The following DGKD variants were observed in gnomAD, a reference collection of about 807,000 sequenced individuals.
The protein encoded by DGKD is DAG kinase delta.
A neutral mutation model predicts 154.4 loss-of-function variants in DGKD; 68 were observed. That is an observed-to-expected ratio of 0.44 (90% confidence interval 0.36 to 0.54). The LOEUF (loss-of-function observed/expected upper bound fraction) is 0.54, where lower values mean the gene tolerates loss of function less well. Ranked by LOEUF, DGKD falls within the 20% of genes least tolerant of loss-of-function variation. The pLI is 0.00. For missense variants in DGKD, 1,343 were observed against 1,593.6 expected, an observed-to-expected ratio of 0.84 and a Z score of 2.68; for synonymous variants, 693 against 638.0, an observed-to-expected ratio of 1.09 and a Z score of -1.30.
At chr2:233,408,595 C>T (rs1265300055) in intron 3 of DGKD, among the ~76,000 whole-genome samples, 2 of 152,226 alleles carry the variant, frequency 1.3e-5, no homozygotes, top group African/African-American at 4.8e-5. Context: ...CTGCATGTCC[C>T]AGCTCTGCCA....
At chr2:233,357,537 C>CTTTTTTTTTTTTT (rs374813757) in intron 1 of DGKD, among the ~76,000 whole-genome samples, 1 of 129,226 alleles carries the variant, frequency 7.7e-6, no homozygotes, top group African/African-American at 3.0e-5. Flanking sequence ...TTCTTTCTTT[C>CTTTTTTTTTTTTT]TTTTTTTTTT....
intron 17 of DGKD, among the ~76,000 whole-genome samples, chr2:233,451,360 C>T (rs1023992705): frequency 2.0e-5 from 3 of 152,094 alleles, no homozygotes; most frequent in East Asian, 1.9e-4. Context: ...GGGAGGTGGC[C>T]GGCCTGATGA....
At chr2:233,395,578 CTTTTT>C (rs1472119087) in intron 3 of DGKD, among the ~76,000 whole-genome samples, 4 of 151,278 alleles carry the variant, frequency 2.6e-5, no homozygotes, top group African/African-American at 9.7e-5. Flanking sequence ...CTTTTCTTTT[CTTTTT>C]TCTCCTCCCC....
chr2:233,447,971 G>C (rs750949949), intron 12 of DGKD, 116 bp from the exon 13 acceptor site: 43 of 1,552,368 alleles, frequency 2.8e-5, no homozygotes, highest in Non-Finnish European at 3.6e-5. Flanking sequence ...TCTGTTAGGA[G>C]AGACTCATCT....
In DGKD at chr2:233,446,769, C is replaced by T; in HGVS notation, c.1392C>T (p.Val464=). 1 of 1,614,222 alleles carries T rather than the reference C, an allele frequency of 6.2e-7. No homozygotes were observed. The highest frequency in any genetic ancestry group is 8.5e-7 in the Non-Finnish European group (1 of 1,180,046). ...CCCGGCAGGCCTCCTCCTCTACCGT[C>T]ACCGAAGACTTCAGCGAGGATTCCG... The part of the protein sequence containing the change: ...KLPRQASSST[V]TEDFSEDSEV... Residue 464 remains valine, a synonymous_variant, in exon 12 of 30, where the codon GTC becomes GTT. Transcript: ENST00000264057.
chr2:233,438,100 G>T lies in DGKD; in HGVS notation c.923-117G>T. ...TCACTGACCTCCTCCTGACTTACAGGTGTGCATGTGTCAGGTGTGTGTCCT... is the reference window on the plus strand; with the variant it reads ...TCACTGACCTCCTCCTGACTTACAGTTGTGCATGTGTCAGGTGTGTGTCCT... On this transcript the variant is annotated intron_variant, in intron 8 of 29. Coordinates refer to ENST00000264057, the MANE Select transcript of DGKD (RefSeq NM_152879.3). This position sits in a 1 kb window ranked among gnomAD's most constrained non-coding sequence, Gnocchi z 4.1. The T allele has an allele frequency of 8.8e-7, 1 of 1,141,212 alleles. No homozygotes were observed. The highest frequency in any genetic ancestry group is 3.1e-4 in the Middle Eastern group (1 of 3,250). The allele number at this position is 1,141,212 out of a possible 1,614,324, so 70.7% of individuals were successfully genotyped here.
intron 3 of DGKD, among the ~76,000 whole-genome samples, chr2:233,400,257 G>A (rs1260833513): frequency 3.9e-5 from 6 of 152,232 alleles, no homozygotes; most frequent in Admixed American, 3.9e-4. Flanking sequence ...CTCATCACCC[G>A]AAGTGGGCGT....
chr2:233,360,436 T>G (rs1574972158), intron 1 of DGKD, among the ~76,000 whole-genome samples: 1 of 152,196 alleles, frequency 6.6e-6, no homozygotes, highest in South Asian at 2.1e-4. Flanking sequence ...CACATTTTTA[T>G]GGAGACGAGG....
Position 233,446,753 on chromosome 2 carries a change from C to T in DGKD, c.1376C>T (p.Ala459Val). 1 of 1,614,138 alleles carries T rather than the reference C, an allele frequency of 6.2e-7. No homozygotes were observed. The highest frequency in any genetic ancestry group is 8.5e-7 in the Non-Finnish European group (1 of 1,180,004). ...TACGAGGCCAAGCTCCCCCGGCAGG[C>T]CTCCTCCTCTACCGTCACCGAAGAC... ...MAYEAKLPRQ[A>V]SSSTVTEDFS... is the part of the protein sequence containing the mutation. The change falls in exon 12 of 30, where the codon GCC becomes GTC. Residue 459 changes from alanine to valine, a missense_variant. By Grantham distance (64) the Ala-to-Val change is moderately conservative. This residue lies in a region of DGKD where 409 missense variants were observed against 446.0 expected (regional missense o/e 0.92). Coordinates refer to ENST00000264057, the MANE Select transcript of DGKD (RefSeq NM_152879.3).
At chr2:233,415,025 A>C (rs2061926244) in intron 3 of DGKD, among the ~76,000 whole-genome samples, 1 of 152,158 alleles carries the variant, frequency 6.6e-6, no homozygotes, top group African/African-American at 2.4e-5. Flanking sequence ...TCCTGAGTTC[A>C]AGCAATCCTC....
intron 3 of DGKD, among the ~76,000 whole-genome samples, chr2:233,409,903 C>T (rs149165758): frequency 2.6e-3 from 385 of 149,350 alleles, no homozygotes; most frequent in Non-Finnish European, 3.9e-3. Flanking sequence ...GTAGAATGTG[C>T]CCTGTGGGAG....
intron 1 of DGKD, among the ~76,000 whole-genome samples, chr2:233,360,950 C>T (rs924199417): frequency 1.7e-4 from 26 of 151,488 alleles, no homozygotes; most frequent in Non-Finnish European, 3.1e-4. Context: ...CCTTGATCTC[C>T]GACTTCCAGC....
chr2:233,430,356 G>T (rs2062467135), intron 3 of DGKD, among the ~76,000 whole-genome samples: 1 of 152,198 alleles, frequency 6.6e-6, no homozygotes, highest in Non-Finnish European at 1.5e-5. Context: ...GGCGCTGGCT[G>T]AGTCCTATAC....
intron 1 of DGKD, among the ~76,000 whole-genome samples, chr2:233,387,045 A>G (rs943146002): frequency 5.3e-5 from 8 of 152,166 alleles, no homozygotes; most frequent in Non-Finnish European, 7.3e-5. Flanking sequence ...TCCCTGTTCC[A>G]CTGTCTCTCC....
In DGKD at chr2:233,460,247, C is replaced by T. The variant is rs771799661; in HGVS notation, c.2883C>T (p.Pro961=). 6.2e-7 allele frequency: 1 copy of T among 1,613,806 alleles called. No homozygotes were observed. Among genetic ancestry groups the T allele is most frequent in the African/African-American group, 1.3e-5 (1 of 74,846 alleles). The change falls in exon 24 of 30, where the codon CCC becomes CCT. Residue 961 remains proline (P), a synonymous_variant. Coordinates refer to ENST00000264057, the MANE Select transcript of DGKD (RefSeq NM_152879.3). ...SWEDKQKCEL[P]RPPSCSLHPE... ...AAGACAAGCAGAAGTGCGAGCTGCC[C>T]CGCCCTCCATCCTGTTCCCTGCACC...
At chr2:233,417,654 A>AT (rs2061992071) in intron 3 of DGKD, among the ~76,000 whole-genome samples, 1 of 152,196 alleles carries the variant, frequency 6.6e-6, no homozygotes. Context: ...ATTATAGATA[A>AT]TTAAGTGCAG....
intron 3 of DGKD, 43 bp from the exon 4 acceptor site, chr2:233,434,337 T>G: frequency 6.6e-7 from 1 of 1,510,422 alleles, no homozygotes; most frequent in Non-Finnish European, 9.2e-7. Context: ...TATCAGCACT[T>G]GCCTTTTGTT....
chr2:233,394,349 C>A (rs1335881334), intron 3 of DGKD, among the ~76,000 whole-genome samples: 1 of 151,822 alleles, frequency 6.6e-6, no homozygotes, highest in Non-Finnish European at 1.5e-5. Context: ...CTCCAGTGAT[C>A]CTCCTGCCTC....
intron 3 of DGKD, among the ~76,000 whole-genome samples, chr2:233,425,157 C>A (rs370114469): frequency 6.6e-6 from 1 of 151,138 alleles, no homozygotes; most frequent in South Asian, 2.1e-4. Flanking sequence ...TTTTTTAATC[C>A]TTAACATATA....
Sources: gnomAD v4.1 joint callset for allele counts (sites outside exome capture counted in the v4.1 genomes callset) on GRCh38, gnomAD v4.1.1 for gene constraint, gnomAD v4.1.1 regional missense constraint, Gnocchi (gnomAD v3.1) non-coding constraint, MANE v1.5 for transcripts, NCBI Gene and HGNC (gene_info 2026-07-23, HGNC 2026-07-21) for gene names.